The following DHX15 variants were observed in gnomAD, a reference collection of about 807,000 sequenced individuals.
The protein encoded by DHX15 is DEAH-box helicase 15.
Under a neutral mutation model 94.4 loss-of-function variants are expected in DHX15, and 11 were observed. The observed-to-expected ratio is 0.12, with a 90% CI of 0.07 to 0.19. The LOEUF (loss-of-function observed/expected upper bound fraction) is 0.19. Among genes scored for constraint, DHX15 ranks in the 10% least tolerant of loss-of-function variants. The probability of loss-of-function intolerance (pLI) is 1.00; values close to 1 mark genes in which losing one functional copy is unlikely to be tolerated. For synonymous variants in DHX15, 338 were observed against 329.9 expected, an observed-to-expected ratio of 1.02 and a Z score of -0.27; for missense variants, 304 against 988.5, an observed-to-expected ratio of 0.31 and a Z score of 9.29.
intron 13 of DHX15, among the ~76,000 whole-genome samples, chr4:24,528,353 T>A (rs1391834696): frequency 6.6e-6 from 1 of 152,182 alleles, no homozygotes; most frequent in African/African-American, 2.4e-5. Flanking sequence ...CACTATTAAT[T>A]TGCCACTCCA....
chr4:24,537,004 G>C lies in DHX15; in HGVS notation c.1909+47C>G. 6.3e-7 allele frequency: 1 copy of C among 1,589,206 alleles called. No homozygotes were observed. The highest frequency in any genetic ancestry group is 8.6e-7 in the Non-Finnish European group (1 of 1,166,406). On this transcript the variant is annotated intron_variant, in intron 11 of 13. Transcript: ENST00000336812. This position sits in a 1 kb window ranked among gnomAD's most constrained non-coding sequence, Gnocchi z 4.7. ...GGGACAAAGAAACATCTTATACACT[G>C]CAAGTGACATTTAGACAAGAGTGTC...
chr4:24,571,793 T>C (rs934220905), intron 2 of DHX15, among the ~76,000 whole-genome samples: 1 of 152,214 alleles, frequency 6.6e-6, no homozygotes, highest in African/African-American at 2.4e-5. Context: ...TACATTTTAG[T>C]TAGGTTGCTT....
chr4:24,583,727 C>A (rs972964059), intron 1 of DHX15, among the ~76,000 whole-genome samples: 1 of 152,178 alleles, frequency 6.6e-6, no homozygotes, highest in Non-Finnish European at 1.5e-5. Flanking sequence ...CCGGCAGGTC[C>A]TCTACTCCCA....
chr4:24,555,389 G>A (rs957245918), intron 4 of DHX15, among the ~76,000 whole-genome samples: 29 of 151,516 alleles, frequency 1.9e-4, no homozygotes, highest in African/African-American at 7.0e-4. Flanking sequence ...CTACTTTCAG[G>A]TTCTCACTAA....
intron 4 of DHX15, among the ~76,000 whole-genome samples, chr4:24,555,307 C>CA (rs11379820): frequency 0.25 from 34,605 of 139,610 alleles, 4,970 homozygotes; most frequent in Non-Finnish European, 0.34. Context: ...ACAGAAAATG[C>CA]AAAAAAAAAA....
intron 3 of DHX15, among the ~76,000 whole-genome samples, chr4:24,567,630 T>C (rs1722021620): frequency 1.3e-5 from 2 of 151,046 alleles, no homozygotes; most frequent in Non-Finnish European, 2.9e-5. Flanking sequence ...TAAAATCCAC[T>C]GCAAAAGGGC....
At chr4:24,564,375 A>G (rs994656041) in intron 3 of DHX15, among the ~76,000 whole-genome samples, 5 of 152,198 alleles carry the variant, frequency 3.3e-5, no homozygotes, top group Non-Finnish European at 5.9e-5. Flanking sequence ...TGTGCTGTCA[A>G]TTAAGACAGT....
rs188830870 is a variant in DHX15 at position 24,560,344 on chromosome 4, T to A, written c.702-3934A>T. Among the ~76,000 whole-genome samples, 1,286 of 151,958 alleles carry A rather than the reference T, an allele frequency of 8.5e-3. 20 individuals are homozygous for A. The highest frequency in any genetic ancestry group is 0.029 in the African/African-American group (1,198 of 41,478). On this transcript the variant is annotated intron_variant, in intron 3 of 13. Coordinates refer to ENST00000336812, the MANE Select transcript of DHX15 (RefSeq NM_001358.3). ...TCCCTACCTCAAAGCTTATGATCCC[T>A]CCCCAGTAAAATTCCAGCTTGGTTA...
In DHX15 at chr4:24,580,521, T is replaced by C. The variant is rs1223310698; in HGVS notation, c.71+3802A>G. Reference sequence around the variant, plus strand: ...TTAAATAAGCATTGCTTTTTTTTTTTTTTTTTAAAGACAGTCTACCTCTGT... The same window carrying C: ...TTAAATAAGCATTGCTTTTTTTTTTCTTTTTTAAAGACAGTCTACCTCTGT... On this transcript the variant is annotated intron_variant, in intron 1 of 13. Transcript: ENST00000336812. Among the ~76,000 whole-genome samples, 3 of 152,042 alleles carry C rather than the reference T, an allele frequency of 2.0e-5. No individual in the cohort carries two copies. The South Asian group carries it at 6.3e-4, about 32-fold the overall frequency.
At chr4:24,548,734 A>G in intron 6 of DHX15, 121 bp downstream of exon 6, 1 of 924,080 alleles carries the variant, frequency 1.1e-6, no homozygotes, top group Non-Finnish European at 1.6e-6. Context: ...AATGGATATT[A>G]TTTTGTTGTA....
intron 7 of DHX15, 125 bp from the exon 8 acceptor site, chr4:24,542,147 A>C (rs1294130032): frequency 1.3e-6 from 1 of 778,342 alleles, no homozygotes; most frequent in African/African-American, 1.8e-5. Context: ...GCCATAAATC[A>C]TGCTGCTACA....
At chr4:24,572,363 T>C (rs1015773289) in intron 2 of DHX15, among the ~76,000 whole-genome samples, 15 of 152,164 alleles carry the variant, frequency 9.9e-5, no homozygotes. Flanking sequence ...GTCGAACTCC[T>C]GACCTCAGGT....
In DHX15 at chr4:24,540,205, T is replaced by C. The variant is rs113961055; in HGVS notation, c.1689A>G (p.Ala563=). 6,951 of 1,613,540 alleles carry C rather than the reference T, an allele frequency of 4.3e-3. 30 individuals are homozygous for C. The highest frequency in any genetic ancestry group is 4.3e-3 in the Non-Finnish European group (5,023 of 1,179,580). The change falls in exon 10 of 14, where the codon GCA becomes GCG. Residue 563 remains alanine (A), a synonymous_variant. Coordinates refer to ENST00000336812, the MANE Select transcript of DHX15 (RefSeq NM_001358.3). ...CGAGCTGTGGATCTAGAGGAAACTC[T>C]GCCATCATGGATCCCAATTCAGTCA... ...GDLTELGSMM[A]EFPLDPQLAK... is the part of the protein sequence containing the mutation.
At chr4:24,567,623 A>T (rs1722021441) in intron 3 of DHX15, among the ~76,000 whole-genome samples, 1 of 152,172 alleles carries the variant, frequency 6.6e-6, no homozygotes, top group Non-Finnish European at 1.5e-5. Flanking sequence ...TGCTTCTTAA[A>T]ATCCACTGCA....
At chr4:24,531,291 T>C (rs374335156) in intron 12 of DHX15, among the ~76,000 whole-genome samples, 5 of 151,992 alleles carry the variant, frequency 3.3e-5, no homozygotes. Context: ...GGTTTCACCA[T>C]GTTAGCCAGG....
chr4:24,564,533 T>C (rs901662285), intron 3 of DHX15, among the ~76,000 whole-genome samples: 11 of 152,302 alleles, frequency 7.2e-5, no homozygotes, highest in East Asian at 1.9e-4. Context: ...CTCTGTGAAA[T>C]CTCTATACAT....
chr4:24,539,777 A>T (rs1721270029), intron 10 of DHX15: 1 of 167,552 alleles, frequency 6.0e-6, no homozygotes, highest in African/African-American at 2.4e-5. Flanking sequence ...ACTTGCAGTA[A>T]AAAACAAAAA....
chr4:24,578,825 A>G (rs1056112612), intron 1 of DHX15, among the ~76,000 whole-genome samples: 3 of 152,058 alleles, frequency 2.0e-5, no homozygotes, highest in African/African-American at 7.3e-5. Flanking sequence ...CAGCCTCCCA[A>G]CGTGCTGGGA....
intron 5 of DHX15, among the ~76,000 whole-genome samples, chr4:24,552,502 TAAA>T (rs993116153): frequency 1.3e-5 from 2 of 152,238 alleles, no homozygotes; most frequent in African/African-American, 4.8e-5. Context: ...AATATGTTCT[TAAA>T]AACCAGTTTT....
Sources: gnomAD v4.1 joint callset for allele counts (sites outside exome capture counted in the v4.1 genomes callset) on GRCh38, gnomAD v4.1.1 for gene constraint, Gnocchi (gnomAD v3.1) non-coding constraint, MANE v1.5 for transcripts, NCBI Gene and HGNC (gene_info 2026-07-23, HGNC 2026-07-21) for gene names.